PITHD1: variants seen among roughly 807,000 people sequenced by gnomAD.
PITHD1 encodes the protein PITH domain containing 1.
A neutral mutation model predicts 27.5 loss-of-function variants in PITHD1; 8 were observed. The ratio of observed to expected loss-of-function variants is 0.29; its 90% CI spans 0.17 to 0.52. The LOEUF (loss-of-function observed/expected upper bound fraction) is 0.52, where lower values mean the gene tolerates loss of function less well. PITHD1 is among the 20% of genes least tolerant of loss of function. The pLI, the probability that PITHD1 is intolerant of heterozygous loss-of-function variation, is 0.96. For missense variants in PITHD1, 233 were observed against 283.9 expected, an observed-to-expected ratio of 0.82 and a Z score of 1.29; for synonymous variants, 118 against 106.8, an observed-to-expected ratio of 1.10 and a Z score of -0.64.
At position 23,779,440 on chromosome 1, in the gene PITHD1, T is replaced by A; in HGVS notation, c.201T>A (p.Phe67Leu). Residue 67 changes from phenylalanine (F) to leucine (L), a missense_variant and splice_region_variant, in exon 2 of 6, where the codon TTT (phenylalanine) becomes TTA (leucine). Phe to Leu is a conservative substitution (Grantham distance 22). Coordinates refer to ENST00000246151, the MANE Select transcript of PITHD1 (RefSeq NM_020362.5). ...PWEERTDRSK[F>L]VESDADEELL... ...TCCCCCCTCCCCATCCCCTCCAGTT[T>A]GTTGAAAGTGATGCAGATGAAGAGC... 2 of 1,611,498 alleles carry A rather than the reference T, an allele frequency of 1.2e-6. No individual in the cohort carries two copies.
chr1:23,782,452 G>A (rs1433552539), intron 3 of PITHD1, among the ~76,000 whole-genome samples: 1 of 151,842 alleles, frequency 6.6e-6, no homozygotes, highest in African/African-American at 2.4e-5. Flanking sequence ...CCACTGGGCT[G>A]GGCACAGTGG....
At chr1:23,780,071 G>A in intron 3 of PITHD1, 130 bp downstream of exon 3, 2 of 649,534 alleles carry the variant, frequency 3.1e-6, no homozygotes, top group South Asian at 1.8e-5. Flanking sequence ...TCTTGGTCCT[G>A]TTCTCATTCT....
Position 23,778,655 on chromosome 1 carries a change from G to A in PITHD1, c.140G>A (p.Arg47His). 7.5e-7 allele frequency: 1 copy of A among 1,326,252 alleles called. No homozygotes were observed. Among genetic ancestry groups the A allele is most frequent in the Admixed American group, 3.8e-5 (1 of 26,038 alleles). The allele number at this position is 1,326,252 out of a possible 1,614,324, so 82.2% of individuals were successfully genotyped here. ...LERLQCLNES[R>H]EGSGRGVFKP... ...CGGCTGCAATGCCTTAACGAGAGCC[G>A]CGAGGGCAGCGGCCGCGGCGTCTTC... is the stretch of plus-strand genomic sequence containing the variant. The change falls in exon 1 of 6, where the codon CGC becomes CAC. Residue 47 changes from arginine (R) to histidine (H), a missense_variant. By Grantham distance (29) the Arg-to-His change is conservative. Coordinates refer to ENST00000246151, the MANE Select transcript of PITHD1 (RefSeq NM_020362.5).
intron 3 of PITHD1, among the ~76,000 whole-genome samples, chr1:23,781,545 A>G (rs1043510702): frequency 6.6e-6 from 1 of 152,166 alleles, no homozygotes; most frequent in Non-Finnish European, 1.5e-5. Context: ...AGTATTAGAA[A>G]CATGAATTTG....
intron 3 of PITHD1, among the ~76,000 whole-genome samples, chr1:23,782,863 A>G (rs555753407): frequency 2.2e-4 from 34 of 151,822 alleles, no homozygotes; most frequent in African/African-American, 8.0e-4. Flanking sequence ...TCAGCCTCCC[A>G]GTGTGCTGAG....
In PITHD1 at chr1:23,786,419, C is replaced by T; in HGVS notation, c.530C>T (p.Thr177Ile). 2.6e-6 allele frequency: 4 copies of T among 1,544,754 alleles called. No individual in the cohort carries two copies. Among genetic ancestry groups the T allele is most frequent in the Non-Finnish European group, 3.6e-6 (4 of 1,120,412 alleles). ...TATATTGGCCTGAGAGGAGAGTGGACTGAGGTAAGATGGGGTTGGAAAGGT... is the reference window on the plus strand; with the variant it reads ...TATATTGGCCTGAGAGGAGAGTGGATTGAGGTAAGATGGGGTTGGAAAGGT... ...VFYIGLRGEWTELRRHEVTIC... is the reference protein window; with the variant it reads ...VFYIGLRGEWIELRRHEVTIC... Residue 177 changes from threonine to isoleucine, a missense_variant, in exon 5 of 6, where the codon ACT (threonine) becomes ATT (isoleucine). Transcript: ENST00000246151.
chr1:23,787,486 G>A lies in PITHD1; in HGVS notation c.*110G>A, dbSNP rs935905331. 7 of 645,204 alleles carry A rather than the reference G, an allele frequency of 1.1e-5. No individual in the cohort carries two copies. Among genetic ancestry groups the A allele is most frequent in the Non-Finnish European group, 1.7e-5 (6 of 359,422 alleles). 40.0% of individuals were successfully genotyped at this position (645,204 alleles called of 1,614,324 possible). A position where few individuals can be genotyped will look rare whatever the true frequency, so the allele number is the denominator to read the frequency against. On this transcript the variant is annotated 3_prime_UTR_variant, in exon 6 of 6. Coordinates refer to ENST00000246151, the MANE Select transcript of PITHD1 (RefSeq NM_020362.5). ...GAGAGAGTTGGCTGCCACAGCCTCT[G>A]CCAAGCTTTGTCTTTGGGGCTTGCT... is the stretch of plus-strand genomic sequence containing the variant.
chr1:23,781,217 C>T (rs551412289), intron 3 of PITHD1, among the ~76,000 whole-genome samples: 1 of 152,030 alleles, frequency 6.6e-6, no homozygotes, highest in African/African-American at 2.4e-5. Flanking sequence ...AATCCCAGCA[C>T]TTTGGGAGGC....
At chr1:23,783,348 CAT>C (rs1491243264) in intron 3 of PITHD1, among the ~76,000 whole-genome samples, 1 of 147,966 alleles carries the variant, frequency 6.8e-6, no homozygotes, top group African/African-American at 2.5e-5. Context: ...TGTATATATA[CAT>C]ATATACGCAT....
In PITHD1 at chr1:23,778,441, G is replaced by C. The variant is rs1638541333; in HGVS notation, c.-75G>C. The C allele has an allele frequency of 2.8e-6, 3 of 1,087,604 alleles. No individual in the cohort carries two copies. Among genetic ancestry groups the C allele is most frequent in the Non-Finnish European group, 3.6e-6 (3 of 842,144 alleles). The allele number at this position is 1,087,604 out of a possible 1,614,324, so 67.4% of individuals were successfully genotyped here. A position where few individuals can be genotyped will look rare whatever the true frequency, so the allele number is the denominator to read the frequency against. On this transcript the variant is annotated 5_prime_UTR_variant, in exon 1 of 6. Transcript: ENST00000246151. Reference sequence around the variant, plus strand: ...TTAGTTGCCGGAGCTGAACGGCGCGGAGCTGGTCTGAGGCGAGCCGAGCCG... The same window carrying C: ...TTAGTTGCCGGAGCTGAACGGCGCGCAGCTGGTCTGAGGCGAGCCGAGCCG...
intron 4 of PITHD1, 43 bp downstream of exon 4, chr1:23,785,822 G>T: frequency 9.0e-7 from 1 of 1,116,550 alleles, no homozygotes; most frequent in South Asian, 1.3e-5. Context: ...GCTTCTTATA[G>T]GGCTTGCCAT....
chr1:23,778,784 T>A lies in PITHD1; in HGVS notation c.198+71T>A, dbSNP rs1290457631. On this transcript the variant is annotated intron_variant, in intron 1 of 5. Coordinates refer to ENST00000246151, the MANE Select transcript of PITHD1 (RefSeq NM_020362.5). The stretch of plus-strand genomic sequence containing the variant: ...GGCCTCGGGCCGTCGGTCTACTCAT[T>A]TCTGATGTTAAGAATAACGACAGCC... 5.4e-6 allele frequency: 5 copies of A among 919,378 alleles called. No homozygotes were observed. In the Admixed American group the frequency reaches 1.3e-4, roughly 24 times the overall value. The allele number at this position is 919,378 out of a possible 1,614,324, so 57.0% of individuals were successfully genotyped here.
At chr1:23,779,574 GCTTCTAGAAA>G (rs1638565659) in intron 2 of PITHD1, 93 bp downstream of exon 2, 1 of 1,001,964 alleles carries the variant, frequency 1.0e-6, no homozygotes, top group South Asian at 1.3e-5. Flanking sequence ...GCACACATTT[GCTTCTAGAAA>G]TGGGATAAAT....
At chr1:23,786,830 G>C (rs1468825041) in intron 5 of PITHD1, among the ~76,000 whole-genome samples, 2 of 151,972 alleles carry the variant, frequency 1.3e-5, no homozygotes, top group African/African-American at 2.4e-5. Context: ...GACCTCAGGT[G>C]ATCTGCCCAT....
chr1:23,786,235 G>A, intron 4 of PITHD1, 80 bp from the exon 5 acceptor site: 1 of 631,930 alleles, frequency 1.6e-6, no homozygotes, highest in Non-Finnish European at 2.9e-6. Flanking sequence ...AGCTGGAGCT[G>A]AATTGTTGTT....
Position 23,786,398 on chromosome 1 carries a change from T to C in PITHD1, c.509T>C (p.Ile170Thr), listed in dbSNP as rs1557468613. 1.3e-6 allele frequency: 2 copies of C among 1,598,610 alleles called. No individual in the cohort carries two copies. Among genetic ancestry groups the C allele is most frequent in the South Asian group, 2.2e-5 (2 of 90,404 alleles). The change falls in exon 5 of 6, where the codon ATT becomes ACT. Residue 170 changes from isoleucine to threonine, a missense_variant. Ile to Thr is a moderately conservative substitution (Grantham distance 89). Coordinates refer to ENST00000246151, the MANE Select transcript of PITHD1 (RefSeq NM_020362.5). The part of the protein sequence containing the change: ...FGADTTKVFY[I>T]GLRGEWTELR... ...GCAGATACGACAAAGGTCTTTTATA[T>C]TGGCCTGAGAGGAGAGTGGACTGAG...
chr1:23,778,621 G>T lies in PITHD1; in HGVS notation c.106G>T (p.Asp36Tyr). 3.0e-6 allele frequency: 4 copies of T among 1,333,096 alleles called. No homozygotes were observed. Among genetic ancestry groups the T allele is most frequent in the Non-Finnish European group, 2.9e-6 (3 of 1,042,632 alleles). The allele number at this position is 1,333,096 out of a possible 1,614,324, so 82.6% of individuals were successfully genotyped here. Residue 36 changes from aspartate to tyrosine, a missense_variant, in exon 1 of 6, where the codon GAC becomes TAC. Physicochemically the swap from Asp to Tyr is radical, Grantham distance 160. Transcript: ENST00000246151. The stretch of plus-strand genomic sequence containing the variant: ...GGCCTACGGCCTGTACCTGCGCATC[G>T]ACCTGGAGCGGCTGCAATGCCTTAA... ...GLAYGLYLRI[D>Y]LERLQCLNES... is the part of the protein sequence containing the mutation.
At chr1:23,786,495 G>A (rs1239387786) in intron 5 of PITHD1, 72 bp downstream of exon 5, 8 of 593,616 alleles carry the variant, frequency 1.3e-5, no homozygotes, top group Non-Finnish European at 2.1e-5. Flanking sequence ...GAGCTTCCAG[G>A]GAAGGGAAAA....
At chr1:23,781,856 A>G (rs1255337977) in intron 3 of PITHD1, among the ~76,000 whole-genome samples, 1 of 152,228 alleles carries the variant, frequency 6.6e-6, no homozygotes, top group East Asian at 1.9e-4. Context: ...TAAAACATGT[A>G]AAGAGCTTAG....
Sources: gnomAD v4.1 joint callset for allele counts (sites outside exome capture counted in the v4.1 genomes callset) on GRCh38, gnomAD v4.1.1 for gene constraint, MANE v1.5 for transcripts, NCBI Gene and HGNC (gene_info 2026-07-23, HGNC 2026-07-21) for gene names.